Variants in SEC14L1 observed in about 807,000 individuals in gnomAD.
The protein encoded by SEC14L1 is SEC14-like protein 1.
In SEC14L1, 48 loss-of-function variants were observed where a neutral mutation model predicts 85.3. That is an observed-to-expected ratio of 0.56 (90% CI 0.45 to 0.72). SEC14L1 has a LOEUF of 0.72. SEC14L1 is among the 30% of genes least tolerant of loss of function. The probability of loss-of-function intolerance (pLI) is 0.00; values close to 1 mark genes in which losing one functional copy is unlikely to be tolerated. For missense variants in SEC14L1, 682 were observed against 921.4 expected (o/e 0.74, Z 3.36); for synonymous variants, 391 against 355.5 (o/e 1.10, Z -1.12).
chr17:77,166,722 C>T (rs1598332775), intron 3 of SEC14L1, among the ~76,000 whole-genome samples: 2 of 152,026 alleles, frequency 1.3e-5, no homozygotes, highest in South Asian at 4.1e-4. Flanking sequence ...ACCTGTAGTC[C>T]CAGCTACTTC....
chr17:77,176,745 C>T (rs1360277943), intron 3 of SEC14L1, among the ~76,000 whole-genome samples: 1 of 152,112 alleles, frequency 6.6e-6, no homozygotes, highest in Non-Finnish European at 1.5e-5. Flanking sequence ...TACCACCATG[C>T]CCGGCTAGTT....
At chr17:77,089,498 C>A (rs773586908) in intron 2 of SEC14L1, 3 of 514,284 alleles carry the variant, frequency 5.8e-6, no homozygotes, top group Admixed American at 2.0e-5. Flanking sequence ...ACAGGACCTA[C>A]GTTTAAAGAA....
At chr17:77,189,301 G>T (rs751990896) in intron 3 of SEC14L1, among the ~76,000 whole-genome samples, 1 of 152,144 alleles carries the variant, frequency 6.6e-6, no homozygotes, top group African/African-American at 2.4e-5. Flanking sequence ...AAAGGTTAAC[G>T]CAGAGGGGAC....
In SEC14L1 at chr17:77,158,798, C is replaced by CTTTTTTTTTTTTTT. The variant is rs34186028; in HGVS notation, c.63+15159_63+15172dup. Reference sequence around the variant, plus strand: ...CAATTACATTTTATAGCTTTCTTTCCTTTTTTTTTTTTTTTTTTTTTTTTT... The same window carrying CTTTTTTTTTTTTTT: ...CAATTACATTTTATAGCTTTCTTTCCTTTTTTTTTTTTTTTTTTTTTTTTTTTTTTTTTTTTTTT... On this transcript the variant is annotated intron_variant, in intron 3 of 16. Coordinates refer to ENST00000436233, the MANE Select transcript of SEC14L1 (RefSeq NM_001143998.2). Among the ~76,000 whole-genome samples, 30 of 39,188 alleles carry CTTTTTTTTTTTTTT rather than the reference C, an allele frequency of 7.7e-4. 10 individuals are homozygous for CTTTTTTTTTTTTTT. Among genetic ancestry groups the CTTTTTTTTTTTTTT allele is most frequent in the African/African-American group, 1.0e-3 (9 of 8,940 alleles). 25.7% of individuals were successfully genotyped at this position (39,188 alleles called of 152,430 possible). A position where few individuals can be genotyped will look rare whatever the true frequency, so the allele number is the denominator to read the frequency against.
At chr17:77,186,844 T>G (rs1417049196) in intron 3 of SEC14L1, among the ~76,000 whole-genome samples, 1 of 152,226 alleles carries the variant, frequency 6.6e-6, no homozygotes, top group Non-Finnish European at 1.5e-5. Flanking sequence ...AAGCTACTTG[T>G]ACCTTGTCAG....
chr17:77,146,833 G>A (rs1973333555), intron 3 of SEC14L1, among the ~76,000 whole-genome samples: 1 of 152,182 alleles, frequency 6.6e-6, no homozygotes, highest in Admixed American at 6.5e-5. Context: ...TGTGAGTGAT[G>A]TTTGTGTGGT....
At chr17:77,115,689 A>G (rs959265415) in intron 3 of SEC14L1, among the ~76,000 whole-genome samples, 1 of 152,154 alleles carries the variant, frequency 6.6e-6, no homozygotes, top group African/African-American at 2.4e-5. Flanking sequence ...TTGCAACCAA[A>G]GGAGCATGTT....
intron 14 of SEC14L1, 60 bp from the exon 15 acceptor site, chr17:77,211,890 T>A: frequency 6.3e-7 from 1 of 1,591,942 alleles, no homozygotes; most frequent in Non-Finnish European, 8.5e-7. Flanking sequence ...CACGATGCGC[T>A]CGCAGCATGC....
intron 3 of SEC14L1, among the ~76,000 whole-genome samples, chr17:77,178,305 C>T (rs2143723651): frequency 6.6e-6 from 1 of 152,184 alleles, no homozygotes; most frequent in Non-Finnish European, 1.5e-5. Context: ...GTGGGTGTCA[C>T]TAACTTGAGT....
At chr17:77,159,461 A>G (rs1598320209) in intron 3 of SEC14L1, among the ~76,000 whole-genome samples, 1 of 147,120 alleles carries the variant, frequency 6.8e-6, no homozygotes, top group Admixed American at 6.7e-5. Flanking sequence ...GCTCACTGCA[A>G]CCTCTGTCTC....
At chr17:77,165,429 C>T (rs1206790481) in intron 3 of SEC14L1, among the ~76,000 whole-genome samples, 5 of 151,880 alleles carry the variant, frequency 3.3e-5, no homozygotes, top group African/African-American at 1.2e-4. Context: ...TCCAGAAAGG[C>T]GGGACAACTC....
chr17:77,204,522 C>CATTTTTTTTTTTTT (rs1555628453), intron 10 of SEC14L1, among the ~76,000 whole-genome samples: 1 of 84,728 alleles, frequency 1.2e-5, no homozygotes. Flanking sequence ...GCCCAGCCAG[C>CATTTTTTTTTTTTT]TTTTTTTTTT....
Position 77,216,662 on chromosome 17 carries a change from T to C in SEC14L1, c.*2639T>C. On this transcript the variant is annotated 3_prime_UTR_variant, in exon 17 of 17. Coordinates refer to ENST00000436233, the MANE Select transcript of SEC14L1 (RefSeq NM_001143998.2). Reference sequence around the variant, plus strand: ...AGCCATCCCCTGCCCCCTCCCAGGCTGAAGATCTGTTCTTTTTAAGTTGAT... The same window carrying C: ...AGCCATCCCCTGCCCCCTCCCAGGCCGAAGATCTGTTCTTTTTAAGTTGAT... 1 of 1,603,434 alleles carries C rather than the reference T, an allele frequency of 6.2e-7. No individual in the cohort carries two copies. Among genetic ancestry groups the C allele is most frequent in the East Asian group, 2.2e-5 (1 of 44,780 alleles).
intron 3 of SEC14L1, among the ~76,000 whole-genome samples, chr17:77,159,654 C>T (rs1973971951): frequency 6.6e-6 from 1 of 152,170 alleles, no homozygotes; most frequent in Admixed American, 6.5e-5. Context: ...GCTGGGATTA[C>T]AGGTGTGAAC....
intron 14 of SEC14L1, 56 bp downstream of exon 14, chr17:77,209,532 C>A: frequency 6.3e-7 from 1 of 1,578,060 alleles, no homozygotes. Flanking sequence ...GAGGGCCTGG[C>A]CCTCGCAGGG....
Position 77,206,141 on chromosome 17 carries a change from C to A in SEC14L1, c.1170-88C>A. 7.5e-7 allele frequency: 1 copy of A among 1,328,728 alleles called. No homozygotes were observed. The highest frequency in any genetic ancestry group is 1.0e-6 in the Non-Finnish European group (1 of 952,890). The allele number at this position is 1,328,728 out of a possible 1,614,324, so 82.3% of individuals were successfully genotyped here. On this transcript the variant is annotated intron_variant, in intron 11 of 16. Coordinates refer to ENST00000436233, the MANE Select transcript of SEC14L1 (RefSeq NM_001143998.2). This position sits in a 1 kb window ranked among gnomAD's most constrained non-coding sequence, Gnocchi z 4.3. ...TTGATTATGATGTATTTGGAAATAGCTATAAATGACCAAAAAGGAAGAAAA... is the reference window on the plus strand; with the variant it reads ...TTGATTATGATGTATTTGGAAATAGATATAAATGACCAAAAAGGAAGAAAA...
chr17:77,147,327 A>C (rs2055349104), intron 3 of SEC14L1, among the ~76,000 whole-genome samples: 1 of 152,184 alleles, frequency 6.6e-6, no homozygotes, highest in African/African-American at 2.4e-5. Context: ...ATTGCATCTC[A>C]CTTGATTTAA....
intron 3 of SEC14L1, among the ~76,000 whole-genome samples, chr17:77,160,317 C>G (rs916473925): frequency 1.3e-5 from 2 of 152,220 alleles, no homozygotes; most frequent in East Asian, 3.8e-4. Context: ...TAAAACCGTA[C>G]TCTGCCAAGT....
chr17:77,191,418 T>G (rs1044005515), intron 5 of SEC14L1, 106 bp downstream of exon 5: 43 of 1,223,912 alleles, frequency 3.5e-5, no homozygotes, highest in Middle Eastern at 1.9e-4. Context: ...AGAGGGCAGT[T>G]CTTCATTAGA....
Sources: gnomAD v4.1 joint callset for allele counts (sites outside exome capture counted in the v4.1 genomes callset) on GRCh38, gnomAD v4.1.1 for gene constraint, Gnocchi (gnomAD v3.1) non-coding constraint, MANE v1.5 for transcripts, NCBI Gene and HGNC (gene_info 2026-07-23, HGNC 2026-07-21) for gene names.